Variants in CASP5 observed in about 807,000 individuals in gnomAD.
CASP5 encodes caspase 5.
A neutral mutation model predicts 45.2 loss-of-function variants in CASP5; 42 were observed. That is an observed-to-expected ratio of 0.93 (90% CI 0.73 to 1.20). The LOEUF is 1.20. Among genes scored for constraint, CASP5 ranks in the 50% most tolerant of loss-of-function variants. The probability of loss-of-function intolerance (pLI) is 0.00; values close to 1 mark genes in which losing one functional copy is unlikely to be tolerated. For missense variants in CASP5, 512 were observed against 532.2 expected (o/e 0.96, Z 0.37); for synonymous variants, 209 against 186.2 (o/e 1.12, Z -1.00).
chr11:105,017,620 G>T (rs1862694357), intron 1 of CASP5, among the ~76,000 whole-genome samples: 1 of 152,228 alleles, frequency 6.6e-6, no homozygotes, highest in South Asian at 2.1e-4. Flanking sequence ...AGAATAAAAA[G>T]AAATGAGCAA....
At chr11:105,015,722 G>A (rs1565392257) in intron 1 of CASP5, among the ~76,000 whole-genome samples, 1 of 149,554 alleles carries the variant, frequency 6.7e-6, no homozygotes, top group African/African-American at 2.5e-5. Context: ...CTCCTCCCTG[G>A]CCAAATGCTT....
chr11:105,018,607 ATC>A (rs1862764460), intron 1 of CASP5, among the ~76,000 whole-genome samples: 2 of 143,334 alleles, frequency 1.4e-5, no homozygotes, highest in Non-Finnish European at 3.1e-5. Context: ...AGAGCTAACT[ATC>A]CTAAATATAT....
At chr11:105,018,068 T>C (rs1378923109) in intron 1 of CASP5, among the ~76,000 whole-genome samples, 1 of 149,874 alleles carries the variant, frequency 6.7e-6, no homozygotes, top group African/African-American at 2.5e-5. Flanking sequence ...GCTTCATAAG[T>C]GAAGGAGAAA....
intron 3 of CASP5, among the ~76,000 whole-genome samples, chr11:105,003,831 A>C (rs918699656): frequency 6.6e-6 from 1 of 151,628 alleles, no homozygotes; most frequent in African/African-American, 2.4e-5. Flanking sequence ...ATTTTCTAAT[A>C]TCACATTTAC....
chr11:105,001,772 A>G (rs528642904), intron 5 of CASP5, among the ~76,000 whole-genome samples: 1 of 152,336 alleles, frequency 6.6e-6, no homozygotes, highest in Non-Finnish European at 1.5e-5. Context: ...GGAACTCAGT[A>G]ACAATTGCGA....
At chr11:104,999,990 A>G (rs1228938084) in intron 6 of CASP5, among the ~76,000 whole-genome samples, 4 of 152,238 alleles carry the variant, frequency 2.6e-5, no homozygotes, top group Non-Finnish European at 5.9e-5. Context: ...CAAAGTTTGA[A>G]TATTTCTGTT....
intron 1 of CASP5, among the ~76,000 whole-genome samples, chr11:105,016,039 A>T (rs567804871): frequency 2.0e-5 from 3 of 152,322 alleles, no homozygotes; most frequent in African/African-American, 7.2e-5. Flanking sequence ...AGATATTTTT[A>T]AAAAGGCAAT....
At chr11:105,010,046 C>A (rs1310187975) in intron 1 of CASP5, among the ~76,000 whole-genome samples, 1 of 150,390 alleles carries the variant, frequency 6.6e-6, no homozygotes, top group Non-Finnish European at 1.5e-5. Context: ...TCTGTTAACT[C>A]TATAAAGATC....
In CASP5 at chr11:105,007,292, A is replaced by C. The variant is rs45585331; in HGVS notation, c.224T>G (p.Leu75Arg). 194 of 1,607,788 alleles carry C rather than the reference A, an allele frequency of 1.2e-4. No homozygotes were observed. In the African/African-American group the frequency reaches 2.1e-3, roughly 18 times the overall value. ...AACACCATGAAGAACATCTTTGCCC[A>C]GGTATTCCAACATCTTAACTGTTTT... Reference protein sequence around the residue: ...KKKTVKMLEYLGKDVLHGVFN... With the variant: ...KKKTVKMLEYRGKDVLHGVFN... The change falls in exon 3 of 10, where the codon CTG becomes CGG. Residue 75 changes from leucine to arginine, a missense_variant. Leu to Arg is a moderately radical substitution (Grantham distance 102, BLOSUM62 -2). Transcript: ENST00000260315.
chr11:105,016,218 A>C (rs1862582035), intron 1 of CASP5, among the ~76,000 whole-genome samples: 1 of 152,178 alleles, frequency 6.6e-6, no homozygotes. Flanking sequence ...AAGGTTAATA[A>C]ATGCCTACAG....
chr11:104,997,961 A>C (rs376279791), intron 7 of CASP5, among the ~76,000 whole-genome samples: 1 of 152,234 alleles, frequency 6.6e-6, no homozygotes, highest in African/African-American at 2.4e-5. Flanking sequence ...GAACACATCC[A>C]AAGTTTCAGT....
Position 105,003,274 on chromosome 11 carries a change from C to T in CASP5, c.543G>A (p.Glu181=), listed in dbSNP as rs949033707. The T allele has an allele frequency of 1.6e-5, 24 of 1,540,128 alleles. No individual in the cohort carries two copies. The highest frequency in any genetic ancestry group is 5.1e-5 in the Admixed American group (3 of 58,952). Residue 181 remains glutamate (E), a splice_region_variant and synonymous_variant, in exon 4 of 10, where the codon GAG becomes GAA. Transcript: ENST00000260315. The stretch of plus-strand genomic sequence containing the variant: ...CCATTTCATACAGAGAGCACAGCAC[C>T]TCATCATGATTTTTTTTACACAGTC... ...FLRLCKKNHD[E]IYPIKKREDR...
At chr11:105,007,055 A>G in intron 3 of CASP5, 28 bp downstream of exon 3, 3 of 1,583,874 alleles carry the variant, frequency 1.9e-6, no homozygotes, top group Non-Finnish European at 2.6e-6. Context: ...AAAATTTAAC[A>G]TATTTATCGT....
Position 104,995,840 on chromosome 11 carries a change from T to C in CASP5, c.1209A>G (p.Val403=). 6.2e-7 allele frequency: 1 copy of C among 1,604,860 alleles called. No individual in the cohort carries two copies. The highest frequency in any genetic ancestry group is 8.5e-7 in the Non-Finnish European group (1 of 1,172,322). Residue 403 remains valine, a splice_region_variant and synonymous_variant, in exon 9 of 10, where the codon GTA becomes GTG. Transcript: ENST00000260315. ...CCTGTGGAACTTCAAATGATTTCTG[T>C]ACCTAAAAGAAAAAACAGTAGATGA... ...CCHLMEIFRK[V]QKSFEVPQAK... is the part of the protein sequence containing the mutation.
chr11:105,014,311 G>A (rs1187431232), intron 1 of CASP5, among the ~76,000 whole-genome samples: 14 of 150,722 alleles, frequency 9.3e-5, no homozygotes, highest in Admixed American at 8.6e-4. Flanking sequence ...TTTTTTTCAG[G>A]CAATCCTCTG....
At chr11:105,005,721 C>T (rs919615869) in intron 3 of CASP5, among the ~76,000 whole-genome samples, 9 of 152,126 alleles carry the variant, frequency 5.9e-5, no homozygotes, top group African/African-American at 2.2e-4. Context: ...GAGTTTAGTG[C>T]TCATCATATA....
At position 105,009,742 on chromosome 11, in the gene CASP5, T is replaced by TACAC. The variant is rs1359323490; in HGVS notation, c.8-763_8-762insGTGT. ...ACACATATATATATATATATATATA[T>TACAC]ATATATATATATATATACACACACA... On this transcript the variant is annotated intron_variant, in intron 1 of 9. Transcript: ENST00000260315. 9.0e-3 allele frequency among the ~76,000 whole-genome samples: 621 copies of TACAC among 68,754 alleles called. 17 individuals carry two copies. Among genetic ancestry groups the TACAC allele is most frequent in the African/African-American group, 0.047 (593 of 12,568 alleles). The allele number at this position is 68,754 out of a possible 152,430, so 45.1% of individuals were successfully genotyped here. A position where few individuals can be genotyped will look rare whatever the true frequency, so the allele number is the denominator to read the frequency against.
At chr11:105,010,199 T>C (rs1043363667) in intron 1 of CASP5, among the ~76,000 whole-genome samples, 3 of 151,012 alleles carry the variant, frequency 2.0e-5, no homozygotes, top group Non-Finnish European at 4.4e-5. Context: ...ATGCCAATAA[T>C]GAACCAACCA....
intron 1 of CASP5, among the ~76,000 whole-genome samples, chr11:105,019,507 A>G (rs935339466): frequency 6.6e-6 from 1 of 151,434 alleles, no homozygotes; most frequent in South Asian, 2.1e-4. Context: ...ACAAACTACC[A>G]TCAGAGAATA....
Sources: allele counts gnomAD v4.1 joint callset (sites outside exome capture counted in the v4.1 genomes callset), GRCh38; gene constraint gnomAD v4.1.1; transcripts MANE v1.5; gene names NCBI Gene and HGNC (gene_info 2026-07-23, HGNC 2026-07-21).